Variants in BFAR observed in about 807,000 individuals in gnomAD.
BFAR encodes bifunctional apoptosis regulator.
A neutral mutation model predicts 54.4 loss-of-function variants in BFAR; 52 were observed. That is an observed-to-expected ratio of 0.96 (90% confidence interval 0.77 to 1.21). BFAR has a LOEUF of 1.21. Among genes scored for constraint, BFAR ranks in the 50% most tolerant of loss-of-function variants. The probability of loss-of-function intolerance (pLI) is 0.00; values close to 1 mark genes in which losing one functional copy is unlikely to be tolerated. For missense variants in BFAR, 571 were observed against 534.0 expected (o/e 1.07, Z -0.68); for synonymous variants, 215 against 204.3 (o/e 1.05, Z -0.45).
At chr16:14,651,354 C>T (rs1298820841) in intron 4 of BFAR, among the ~76,000 whole-genome samples, 1 of 152,198 alleles carries the variant, frequency 6.6e-6, no homozygotes, top group Admixed American at 6.5e-5. Flanking sequence ...GATAAAGAGA[C>T]ACTTAGGGCA....
intron 2 of BFAR, 118 bp downstream of exon 2, chr16:14,644,727 A>G (rs1365428795): frequency 7.8e-7 from 1 of 1,274,156 alleles, no homozygotes; most frequent in South Asian, 1.5e-5. Context: ...GGCTGGTCTC[A>G]AACTCCTGAC....
intron 5 of BFAR, among the ~76,000 whole-genome samples, chr16:14,659,234 G>GTTTTTTTTT (rs1468503605): frequency 2.4e-4 from 34 of 142,856 alleles, no homozygotes; most frequent in African/African-American, 8.4e-4. Flanking sequence ...GGTTTTTTTT[G>GTTTTTTTTT]TTTTTTTTTG....
At chr16:14,663,245 G>A (rs945743544) in intron 6 of BFAR, among the ~76,000 whole-genome samples, 2 of 152,166 alleles carry the variant, frequency 1.3e-5, no homozygotes, top group Non-Finnish European at 2.9e-5. Flanking sequence ...CCCTCCCAAA[G>A]TGTTGGGATT....
chr16:14,644,958 A>G (rs1229878902), intron 2 of BFAR, among the ~76,000 whole-genome samples: 1 of 152,114 alleles, frequency 6.6e-6, no homozygotes, highest in Non-Finnish European at 1.5e-5. Flanking sequence ...ATGACTTTTT[A>G]AATTATTTAT....
chr16:14,652,525 C>A (rs559326015), intron 4 of BFAR, among the ~76,000 whole-genome samples: 7 of 151,340 alleles, frequency 4.6e-5, no homozygotes, highest in African/African-American at 1.7e-4. Context: ...TGGTGATCCA[C>A]CCACCTCGGC....
intron 3 of BFAR, among the ~76,000 whole-genome samples, chr16:14,649,070 CTTTTTTT>C (rs544187036): frequency 2.9e-5 from 3 of 104,472 alleles, no homozygotes; most frequent in East Asian, 2.8e-4. Flanking sequence ...ATCTCTTGCT[CTTTTTTT>C]TTTTTTTTTT....
intron 5 of BFAR, 144 bp downstream of exon 5, chr16:14,655,354 C>A: frequency 1.3e-6 from 1 of 781,018 alleles, no homozygotes; most frequent in African/African-American, 1.8e-5. Context: ...CAGAGTCCTT[C>A]TCTGTCGCCC....
chr16:14,663,370 C>T (rs1039969799), intron 6 of BFAR, among the ~76,000 whole-genome samples: 10 of 151,436 alleles, frequency 6.6e-5, no homozygotes, highest in Non-Finnish European at 1.2e-4. Flanking sequence ...CTCGCCCTGT[C>T]GCCCAGGCTG....
intron 1 of BFAR, among the ~76,000 whole-genome samples, chr16:14,639,603 G>A (rs191771649): frequency 1.9e-4 from 29 of 152,296 alleles, no homozygotes; most frequent in Non-Finnish European, 3.7e-4. Context: ...GATTACAGGC[G>A]TGAGCCACCA....
rs1204949774 is a variant in BFAR, at chr16:14,664,865, T to C, written c.958-4T>C. ...CTTTTTGCGTCTGTGTGTTATTTTTTAAGGATCTTAAGGAGCCTACGTGGA... is the reference window on the plus strand; with the variant it reads ...CTTTTTGCGTCTGTGTGTTATTTTTCAAGGATCTTAAGGAGCCTACGTGGA... On this transcript the variant is annotated splice_polypyrimidine_tract_variant and splice_region_variant and intron_variant, in intron 6 of 7. Transcript: ENST00000261658. 6.2e-7 allele frequency: 1 copy of C among 1,611,868 alleles called. No individual in the cohort carries two copies. The highest frequency in any genetic ancestry group is 8.5e-7 in the Non-Finnish European group (1 of 1,178,114).
chr16:14,659,737 A>G (rs1400009757), intron 5 of BFAR, among the ~76,000 whole-genome samples: 1 of 150,666 alleles, frequency 6.6e-6, no homozygotes, highest in East Asian at 2.0e-4. Context: ...TTTTTAGTAG[A>G]GACGGGATTT....
chr16:14,643,316 A>C, intron 1 of BFAR, among the ~76,000 whole-genome samples: 1 of 152,300 alleles, frequency 6.6e-6, no homozygotes, highest in East Asian at 1.9e-4. Flanking sequence ...TCTCAAAAAA[A>C]AAAAAAGGAA....
rs889536394 is a variant in BFAR at position 14,646,051 on chromosome 16, GTTTGTTT to G, written c.263+1454_263+1460del. Among the ~76,000 whole-genome samples the G allele has an allele frequency of 2.6e-5, 4 of 151,776 alleles. No individual in the cohort carries two copies. In the South Asian group the frequency reaches 8.3e-4, roughly 32 times the overall value. On this transcript the variant is annotated intron_variant, in intron 2 of 7. Transcript: ENST00000261658. ...GCCCAGCTAATTTTTGGGTTTTTTT[GTTTGTTT>G]TTTGTTTTTTGAGACGGAGTTTCAC...
intron 4 of BFAR, among the ~76,000 whole-genome samples, chr16:14,654,821 C>A (rs1018737234): frequency 1.3e-5 from 2 of 152,156 alleles, no homozygotes; most frequent in Admixed American, 6.6e-5. Flanking sequence ...TCTACAAAAG[C>A]AGCATAATGC....
chr16:14,650,590 T>G (rs566152046), intron 4 of BFAR: 3 of 152,348 alleles, frequency 2.0e-5, no homozygotes, highest in Non-Finnish European at 2.9e-5. Context: ...ATTCATACAA[T>G]GCGTGGTATT....
intron 1 of BFAR, among the ~76,000 whole-genome samples, chr16:14,638,915 A>G (rs1296495028): frequency 6.6e-6 from 1 of 152,096 alleles, no homozygotes. Context: ...ACTGCACTGT[A>G]GCTTGGGCAA....
chr16:14,659,007 G>C (rs997708702), intron 5 of BFAR, among the ~76,000 whole-genome samples: 8 of 146,778 alleles, frequency 5.5e-5, no homozygotes, highest in Non-Finnish European at 9.0e-5. Context: ...TCCCAGGTTC[G>C]AGCGATTCCC....
intron 3 of BFAR, 104 bp downstream of exon 3, chr16:14,648,696 T>C (rs1959877666): frequency 1.2e-6 from 1 of 811,106 alleles, no homozygotes; most frequent in Admixed American, 2.5e-5. Context: ...TAATTGATGA[T>C]GTGACTCCAT....
chr16:14,664,926 C>T lies in BFAR; in HGVS notation c.1015C>T (p.Leu339Phe). The change falls in exon 7 of 8, where the codon CTT becomes TTT. Residue 339 changes from leucine (L) to phenylalanine (F), a missense_variant. By Grantham distance (22) the Leu-to-Phe change is conservative. Transcript: ENST00000261658. ...WREFLVKYSF[L>F]PYQLIAEFAW... The stretch of plus-strand genomic sequence containing the variant: ...AGAGTTCCTGGTCAAATACTCCTTC[C>T]TTCCATACCAGCTGATTGCTGAGTT... 1 of 1,614,058 alleles carries T rather than the reference C, an allele frequency of 6.2e-7. No individual in the cohort carries two copies. The highest frequency in any genetic ancestry group is 1.1e-5 in the South Asian group (1 of 91,072).
Sources: allele counts gnomAD v4.1 joint callset (sites outside exome capture counted in the v4.1 genomes callset), GRCh38; gene constraint gnomAD v4.1.1; transcripts MANE v1.5; gene names NCBI Gene and HGNC (gene_info 2026-07-23, HGNC 2026-07-21).